The following PLCE1 variants were observed in gnomAD, a reference collection of about 807,000 sequenced individuals.
PLCE1 encodes the protein phospholipase C epsilon 1.
In PLCE1, 119 loss-of-function variants were observed where a neutral mutation model predicts 242.8. The observed-to-expected ratio is 0.49, with a 90% CI of 0.42 to 0.57. The LOEUF is 0.57. Ranked by LOEUF, PLCE1 falls within the 20% of genes least tolerant of loss-of-function variation. The pLI is 0.00. For synonymous variants in PLCE1, 945 were observed against 1,017.4 expected, an observed-to-expected ratio of 0.93 and a Z score of 1.35; for missense variants, 2,441 against 2,788.8, an observed-to-expected ratio of 0.88 and a Z score of 2.81.
intron 27 of PLCE1, among the ~76,000 whole-genome samples, chr10:94,309,888 T>C (rs1439621544): frequency 1.3e-5 from 2 of 151,986 alleles, no homozygotes; most frequent in Non-Finnish European, 1.5e-5. Context: ...TAATTGAGCA[T>C]AGTGTCGAGC....
rs2050674801 is a variant in PLCE1 at position 94,246,234 on chromosome 10, C to A, written c.2709C>A (p.Ser903Arg). ...WVKPTTASPA[S>R]SKAKLGVLNN... ...AGCCCACAACTGCCTCCCCAGCCAG[C>A]AGTAAAGCAAAACTTGGTGTACTTA... The change falls in exon 8 of 33, where the codon AGC becomes AGA. Residue 903 changes from serine (S) to arginine (R), a missense_variant. Transcript: ENST00000371380. 5 of 1,614,046 alleles carry A rather than the reference C, an allele frequency of 3.1e-6. No homozygotes were observed. In the South Asian group the frequency reaches 4.4e-5, roughly 14 times the overall value.
At chr10:94,013,015 A>G (rs1382305941) in intron 1 of PLCE1, among the ~76,000 whole-genome samples, 1 of 152,044 alleles carries the variant, frequency 6.6e-6, no homozygotes, top group African/African-American at 2.4e-5. Flanking sequence ...CTCTCTCTCT[A>G]TCCTTGGGAC....
At chr10:94,010,111 C>CA (rs1260876162) in intron 1 of PLCE1, among the ~76,000 whole-genome samples, 12 of 152,222 alleles carry the variant, frequency 7.9e-5, no homozygotes, top group African/African-American at 1.7e-4. Flanking sequence ...CCTCTGAAAT[C>CA]TAGGGGGAAG....
chr10:94,130,065 G>A (rs1011561971), intron 2 of PLCE1, among the ~76,000 whole-genome samples: 2 of 152,182 alleles, frequency 1.3e-5, no homozygotes, highest in African/African-American at 4.8e-5. Context: ...GCCTTCCTTA[G>A]CCATCAAGCT....
chr10:94,022,467 G>A (rs1288695509), intron 1 of PLCE1, among the ~76,000 whole-genome samples: 1 of 151,584 alleles, frequency 6.6e-6, no homozygotes, highest in Non-Finnish European at 1.5e-5. Context: ...ATTTTTCTTT[G>A]CATATATATA....
chr10:94,074,091 G>C (rs1756120994), intron 2 of PLCE1, among the ~76,000 whole-genome samples: 1 of 151,760 alleles, frequency 6.6e-6, no homozygotes. Flanking sequence ...TGTTTATTCA[G>C]TGACCCATAA....
At chr10:94,310,084 T>G (rs2053338196) in intron 27 of PLCE1, among the ~76,000 whole-genome samples, 1 of 152,238 alleles carries the variant, frequency 6.6e-6, no homozygotes, top group African/African-American at 2.4e-5. Flanking sequence ...TTATGCTTCC[T>G]CTTTAAACAT....
intron 5 of PLCE1, among the ~76,000 whole-genome samples, chr10:94,232,301 T>G (rs928078602): frequency 2.0e-5 from 3 of 152,238 alleles, no homozygotes; most frequent in Non-Finnish European, 4.4e-5. Flanking sequence ...TAAATCAAAA[T>G]TTTAATATCT....
chr10:94,222,325 G>T (rs1383384597), intron 4 of PLCE1, among the ~76,000 whole-genome samples: 64 of 152,004 alleles, frequency 4.2e-4, no homozygotes, highest in Non-Finnish European at 2.9e-5. Context: ...CCCTAGAGGA[G>T]GTAAGCTTCA....
chr10:94,265,766 A>G, intron 15 of PLCE1, 27 bp from the exon 16 acceptor site: 2 of 1,613,902 alleles, frequency 1.2e-6, no homozygotes, highest in East Asian at 4.5e-5. Context: ...TTTCCCATGC[A>G]GTCTTAAGAA....
chr10:93,995,571 G>A (rs987178460), intron 1 of PLCE1, among the ~76,000 whole-genome samples: 41 of 152,238 alleles, frequency 2.7e-4, no homozygotes, highest in Non-Finnish European at 5.3e-4. Context: ...TTGTGGGCCA[G>A]TATTAAATCT....
intron 1 of PLCE1, among the ~76,000 whole-genome samples, chr10:94,013,833 T>A (rs758036688): frequency 2.6e-5 from 4 of 152,112 alleles, no homozygotes; most frequent in Non-Finnish European, 5.9e-5. Context: ...TGAGCCGAAA[T>A]CGGAATGGCC....
At chr10:94,014,625 C>T (rs1194987244) in intron 1 of PLCE1, among the ~76,000 whole-genome samples, 1 of 152,164 alleles carries the variant, frequency 6.6e-6, no homozygotes, top group Admixed American at 6.5e-5. Context: ...GCTGAAACTC[C>T]ATACCCATTA....
intron 19 of PLCE1, among the ~76,000 whole-genome samples, chr10:94,278,595 G>A (rs1389046867): frequency 6.6e-6 from 1 of 152,006 alleles, no homozygotes; most frequent in East Asian, 1.9e-4. Context: ...TATTTCCTTT[G>A]TAACCATTTC....
chr10:94,180,609 C>T (rs2048281790), intron 4 of PLCE1, among the ~76,000 whole-genome samples: 1 of 152,192 alleles, frequency 6.6e-6, no homozygotes, highest in Non-Finnish European at 1.5e-5. Context: ...CTGTTCATTC[C>T]TATTTTACAT....
At chr10:94,034,577 G>A (rs1016153061) in intron 2 of PLCE1, among the ~76,000 whole-genome samples, 18 of 152,094 alleles carry the variant, frequency 1.2e-4, no homozygotes, top group Admixed American at 7.2e-4. Flanking sequence ...TTAAAAGAAC[G>A]GAAGAATTCT....
intron 4 of PLCE1, among the ~76,000 whole-genome samples, chr10:94,212,224 TTAC>T (rs2049360056): frequency 6.6e-6 from 1 of 151,962 alleles, no homozygotes; most frequent in Non-Finnish European, 1.5e-5. Context: ...GTAGCTGGAA[TTAC>T]ATGTGCATGC....
At chr10:94,009,771 C>T (rs1321837611) in intron 1 of PLCE1, among the ~76,000 whole-genome samples, 1 of 152,248 alleles carries the variant, frequency 6.6e-6, no homozygotes, top group African/African-American at 2.4e-5. Context: ...CCAATATAAT[C>T]CTTGACTCCA....
At chr10:94,219,453 A>C (rs2049645905) in intron 4 of PLCE1, among the ~76,000 whole-genome samples, 1 of 152,208 alleles carries the variant, frequency 6.6e-6, no homozygotes, top group Non-Finnish European at 1.5e-5. Context: ...ACAGCTCTCA[A>C]CAGCTCCAGG....
Sources: allele counts gnomAD v4.1 joint callset (sites outside exome capture counted in the v4.1 genomes callset), GRCh38; gene constraint gnomAD v4.1.1; transcripts MANE v1.5; gene names NCBI Gene and HGNC (gene_info 2026-07-23, HGNC 2026-07-21).